DYNC1H1: variants seen among roughly 807,000 people sequenced by gnomAD.
DYNC1H1 encodes cytoplasmic dynein 1 heavy chain 1.
Under a neutral mutation model 527.1 loss-of-function variants are expected in DYNC1H1, and 51 were observed. The ratio of observed to expected loss-of-function variants is 0.10; its 90% confidence interval spans 0.08 to 0.12. The LOEUF is 0.12. Ranked by LOEUF, DYNC1H1 falls within the 10% of genes least tolerant of loss-of-function variation. The pLI is 1.00. For missense variants in DYNC1H1, 2,771 were observed against 5,971.8 expected (o/e 0.46, Z 17.66); for synonymous variants, 2,189 against 2,278.8 (o/e 0.96, Z 1.12).
At position 102,016,226 on chromosome 14, in the gene DYNC1H1, G is replaced by A. The variant is rs1696676329; in HGVS notation, c.7474-123G>A. ...CCTTCGTTGAGGGGCTAGGAAAGGTGCAGTGGGTGTCTGTGATGCAAGAAG... is the reference window on the plus strand; with the variant it reads ...CCTTCGTTGAGGGGCTAGGAAAGGTACAGTGGGTGTCTGTGATGCAAGAAG... On this transcript the variant is annotated intron_variant, in intron 36 of 77. Transcript: ENST00000360184. The surrounding 1 kb of genome is among the most constrained non-coding windows in gnomAD (Gnocchi z 7.3). 2 of 1,502,838 alleles carry A rather than the reference G, an allele frequency of 1.3e-6. No homozygotes were observed. The highest frequency in any genetic ancestry group is 9.1e-7 in the Non-Finnish European group (1 of 1,101,592). The allele number at this position is 1,502,838 out of a possible 1,614,324, so 93.1% of individuals were successfully genotyped here. A position where few individuals can be genotyped will look rare whatever the true frequency, so the allele number is the denominator to read the frequency against.
At position 102,048,642 on chromosome 14, in the gene DYNC1H1, C is replaced by T. The variant is rs2048759812; in HGVS notation, c.13345C>T (p.Arg4449Cys). 6.2e-7 allele frequency: 1 copy of T among 1,613,554 alleles called. No homozygotes were observed. Among genetic ancestry groups the T allele is most frequent in the South Asian group, 1.1e-5 (1 of 91,068 alleles). ...AAAGAAGAAGCAGACCAACTACTTG[C>T]GCACGCTGATCAACGAGCTAGTGAA... The part of the protein sequence containing the change: ...EGKKKQTNYL[R>C]TLINELVKGI... Residue 4449 changes from arginine (R) to cysteine (C), a missense_variant, in exon 74 of 78, where the codon CGC becomes TGC. Around this residue, in one of 32 missense-constraint regions of DYNC1H1, gnomAD observed 170 missense variants for 249.8 expected, o/e 0.68. Transcript: ENST00000360184.
At chr14:101,995,813 A>G (rs967277199) in intron 15 of DYNC1H1, among the ~76,000 whole-genome samples, 1 of 151,454 alleles carries the variant, frequency 6.6e-6, no homozygotes, top group Non-Finnish European at 1.5e-5. Context: ...GTAATCCCAG[A>G]ACTTTGGGAG....
At position 102,033,919 on chromosome 14, in the gene DYNC1H1, T is replaced by C. The variant is rs1458259095; in HGVS notation, c.10414-57T>C. Reference sequence around the variant, plus strand: ...ATGTGGATGAACCGATTTGCAGGATTCGGTATAAATCCTGAAAGGCCTCAT... The same window carrying C: ...ATGTGGATGAACCGATTTGCAGGATCCGGTATAAATCCTGAAAGGCCTCAT... On this transcript the variant is annotated intron_variant, in intron 54 of 77. Transcript: ENST00000360184. This position sits in a 1 kb window ranked among gnomAD's most constrained non-coding sequence, Gnocchi z 5.6. The C allele has an allele frequency of 6.3e-7, 1 of 1,584,990 alleles. No individual in the cohort carries two copies. Among genetic ancestry groups the C allele is most frequent in the East Asian group, 2.2e-5 (1 of 44,760 alleles).
At chr14:101,975,617 TG>T in intron 1 of DYNC1H1, 94 bp from the exon 2 acceptor site, 1 of 1,155,472 alleles carries the variant, frequency 8.7e-7, no homozygotes, top group Non-Finnish European at 1.3e-6. Flanking sequence ...TATGTCAGGC[TG>T]GGAGTAGGGA....
chr14:102,030,539 T>C (rs2048499238), intron 51 of DYNC1H1: 2 of 477,046 alleles, frequency 4.2e-6, no homozygotes, highest in Non-Finnish European at 7.6e-6. Context: ...CAATATAAGC[T>C]TTGTGTCAAT....
rs1555410324 is a variant in DYNC1H1 at position 102,017,544 on chromosome 14, C to CTGCT, written c.8177+40_8177+41insTGCT. The CTGCT allele has an allele frequency of 2.5e-6, 4 of 1,614,056 alleles. No individual in the cohort carries two copies. In the East Asian group the frequency reaches 8.9e-5, roughly 36 times the overall value. ...TAGACTGCTCTGCTTCACACACGCA[C>CTGCT]AGCTCCAGGATTGCTGTAAACACAG... On this transcript the variant is annotated intron_variant, in intron 40 of 77. Transcript: ENST00000360184. This position sits in a 1 kb window ranked among gnomAD's most constrained non-coding sequence, Gnocchi z 4.6.
In DYNC1H1 at chr14:101,985,986, G is replaced by A. The variant is rs1270316691; in HGVS notation, c.1761G>A (p.Arg587=). 3.1e-6 allele frequency: 5 copies of A among 1,614,072 alleles called. No individual in the cohort carries two copies. In the East Asian group the frequency reaches 1.1e-4, roughly 36 times the overall value. Residue 587 remains arginine (R), a synonymous_variant, in exon 8 of 78, where the codon AGG becomes AGA. Coordinates refer to ENST00000360184, the MANE Select transcript of DYNC1H1 (RefSeq NM_001376.5). The surrounding 1 kb of genome is among the most constrained non-coding windows in gnomAD (Gnocchi z 5.9). Reference sequence around the variant, plus strand: ...ACGAGATGTTTAGGATTTTCTCCAGGTTTAATGCACTGTTTGTCAGGCCTC... The same window carrying A: ...ACGAGATGTTTAGGATTTTCTCCAGATTTAATGCACTGTTTGTCAGGCCTC... ...NANEMFRIFS[R]FNALFVRPHI...
chr14:102,039,331 GCA>G lies in DYNC1H1; in HGVS notation c.11461-78_11461-77del. ...GGCCGCACAGAGGCTGGCGGGCCCT[GCA>G]CAGTAGCTCCTTGGCCACGCAGAAG... On this transcript the variant is annotated intron_variant, in intron 60 of 77. Coordinates refer to ENST00000360184, the MANE Select transcript of DYNC1H1 (RefSeq NM_001376.5). The surrounding 1 kb of genome is among the most constrained non-coding windows in gnomAD (Gnocchi z 7.0). 1 of 1,612,054 alleles carries G rather than the reference GCA, an allele frequency of 6.2e-7. No individual in the cohort carries two copies. Among genetic ancestry groups the G allele is most frequent in the Non-Finnish European group, 8.5e-7 (1 of 1,179,998 alleles).
chr14:101,983,101 G>A lies in DYNC1H1; in HGVS notation c.1044G>A (p.Thr348=), dbSNP rs144254264. The A allele has an allele frequency of 2.0e-5, 32 of 1,614,016 alleles. No individual in the cohort carries two copies. The highest frequency in any genetic ancestry group is 8.9e-5 in the East Asian group (4 of 44,898). The stretch of plus-strand genomic sequence containing the variant: ...CTCTGAATGATTTGCTGTCTGCCAC[G>A]GAGCTGGACAAAATAAGACAGGCGC... ...DFPLNDLLSA[T]ELDKIRQALV... The change falls in exon 6 of 78, where the codon ACG becomes ACA. Residue 348 remains threonine (T), a synonymous_variant. Transcript: ENST00000360184. The surrounding 1 kb of genome is among the most constrained non-coding windows in gnomAD (Gnocchi z 5.3).
intron 23 of DYNC1H1, among the ~76,000 whole-genome samples, chr14:102,003,606 C>G (rs2048156848): frequency 6.6e-6 from 1 of 152,134 alleles, no homozygotes; most frequent in Non-Finnish European, 1.5e-5. Context: ...GAATAGTTTG[C>G]TTAGGCTGAA....
intron 16 of DYNC1H1, among the ~76,000 whole-genome samples, chr14:101,999,252 C>G (rs1309341043): frequency 1.3e-5 from 2 of 152,078 alleles, no homozygotes; most frequent in African/African-American, 4.8e-5. Context: ...TCATAGCTCA[C>G]TGAAGCCTCC....
chr14:101,977,745 A>G (rs2047817995), intron 2 of DYNC1H1, among the ~76,000 whole-genome samples: 2 of 152,188 alleles, frequency 1.3e-5, no homozygotes, highest in Admixed American at 1.3e-4. Flanking sequence ...TTGCACACCA[A>G]TAGCTTCATG....
rs565494594 is a variant in DYNC1H1, at chr14:102,010,530, A to G, written c.6405+71A>G. 1.9e-6 allele frequency: 3 copies of G among 1,575,674 alleles called. No homozygotes were observed. The highest frequency in any genetic ancestry group is 1.4e-5 in the African/African-American group (1 of 73,420). On this transcript the variant is annotated intron_variant, in intron 31 of 77. Coordinates refer to ENST00000360184, the MANE Select transcript of DYNC1H1 (RefSeq NM_001376.5). The surrounding 1 kb of genome is among the most constrained non-coding windows in gnomAD (Gnocchi z 6.0). ...AATTTACCTTTTTAACATTTAAGCC[A>G]TGACTTGTGAGTTCTTCTTGCAGTT...
At chr14:102,008,061 G>A (rs535744102) in intron 28 of DYNC1H1, 117 bp from the exon 29 acceptor site, 71 of 1,463,672 alleles carry the variant, frequency 4.9e-5, no homozygotes, top group Middle Eastern at 2.4e-4. Flanking sequence ...ACGCTCTTTC[G>A]CTAAAGACAA....
intron 5 of DYNC1H1, among the ~76,000 whole-genome samples, 180 bp from the exon 6 acceptor site, chr14:101,982,839 C>A (rs1164475608): frequency 6.6e-6 from 1 of 152,094 alleles, no homozygotes; most frequent in Non-Finnish European, 1.5e-5. Context: ...CTTAAATAAG[C>A]AAAAATGGAG....
chr14:101,968,282 A>G (rs1425837847), intron 1 of DYNC1H1, among the ~76,000 whole-genome samples: 2 of 141,662 alleles, frequency 1.4e-5, no homozygotes, highest in Non-Finnish European at 3.0e-5. Flanking sequence ...TGGTGGGGAA[A>G]GGGTTTTGTT....
intron 1 of DYNC1H1, among the ~76,000 whole-genome samples, chr14:101,966,846 A>G (rs1566991828): frequency 6.6e-6 from 1 of 152,188 alleles, no homozygotes. Flanking sequence ...GACTATGTTT[A>G]TGTAGTACAA....
At chr14:101,990,923 C>T (rs1389838184) in intron 10 of DYNC1H1, among the ~76,000 whole-genome samples, 1 of 151,170 alleles carries the variant, frequency 6.6e-6, no homozygotes, top group African/African-American at 2.4e-5. Context: ...ACAGGAGAAT[C>T]GCTTGAACTC....
At chr14:102,026,966 A>G (rs1314709292) in intron 44 of DYNC1H1, 1 of 771,902 alleles carries the variant, frequency 1.3e-6, no homozygotes, top group Non-Finnish European at 2.2e-6. Context: ...GAATTGCATT[A>G]GTCTCTCATG....
Sources: gnomAD v4.1 joint callset for allele counts (sites outside exome capture counted in the v4.1 genomes callset) on GRCh38, gnomAD v4.1.1 for gene constraint, gnomAD v4.1.1 regional missense constraint, Gnocchi (gnomAD v3.1) non-coding constraint, MANE v1.5 for transcripts, NCBI Gene and HGNC (gene_info 2026-07-23, HGNC 2026-07-21) for gene names.